PTPRT: variants seen among roughly 807,000 people sequenced by gnomAD.
PTPRT encodes receptor-type tyrosine-protein phosphatase T.
A neutral mutation model predicts 176.8 loss-of-function variants in PTPRT; 56 were observed. That is an observed-to-expected ratio of 0.32 (90% CI 0.26 to 0.40). PTPRT has a LOEUF of 0.40. Ranked by LOEUF, PTPRT falls within the 10% of genes least tolerant of loss-of-function variation. The pLI is 1.00. For synonymous variants in PTPRT, 783 were observed against 739.0 expected (o/e 1.06, Z -0.96); for missense variants, 1,540 against 1,908.2 (o/e 0.81, Z 3.60).
At chr20:42,286,545 A>T (rs778500372) in intron 12 of PTPRT, among the ~76,000 whole-genome samples, 38 of 152,084 alleles carry the variant, frequency 2.5e-4, no homozygotes, top group Non-Finnish European at 5.2e-4. Context: ...GAAGAACGAA[A>T]CTAGACCGCC....
At chr20:43,161,117 G>T (rs118100773) in intron 1 of PTPRT, among the ~76,000 whole-genome samples, 2,669 of 152,266 alleles carry the variant, frequency 0.018, 40 homozygotes, top group Non-Finnish European at 0.028. Flanking sequence ...CGGCCAGAGG[G>T]GGCCAGCTGT....
chr20:42,598,256 T>A (rs1348679537), intron 7 of PTPRT, among the ~76,000 whole-genome samples: 1 of 152,180 alleles, frequency 6.6e-6, no homozygotes, highest in Admixed American at 6.5e-5. Flanking sequence ...AAAATGAACC[T>A]AAAATTGTAA....
In PTPRT at chr20:42,274,700, A is replaced by G. The variant is rs535230577; in HGVS notation, c.2176+7789T>C. On this transcript the variant is annotated intron_variant, in intron 13 of 30. Transcript: ENST00000373187. ...GAGTGCAGAGAGATGCTGCTGGGCT[A>G]CAGATGGCCCTGGAGCAGACAACCC... is the stretch of plus-strand genomic sequence containing the variant. 2.4e-4 allele frequency among the ~76,000 whole-genome samples: 37 copies of G among 152,182 alleles called. No homozygotes were observed. In the South Asian group the frequency reaches 7.1e-3, roughly 29 times the overall value.
chr20:42,810,882 T>C (rs2077688486), intron 2 of PTPRT, among the ~76,000 whole-genome samples: 1 of 152,236 alleles, frequency 6.6e-6, no homozygotes. Context: ...TGTCCTTCTA[T>C]TTAGGTTTAA....
rs112258440 is a variant in PTPRT at position 42,248,425 on chromosome 20, A to G, written c.2312+262T>C. Reference sequence around the variant, plus strand: ...CTCAATTCATGATACGTGGAATCCCATGGCACATCGCGGTGGCCCAGTCAT... The same window carrying G: ...CTCAATTCATGATACGTGGAATCCCGTGGCACATCGCGGTGGCCCAGTCAT... On this transcript the variant is annotated intron_variant, in intron 14 of 30. Transcript: ENST00000373187. Among the ~76,000 whole-genome samples the G allele has an allele frequency of 2.5e-4, 38 of 152,328 alleles. 2 individuals carry two copies. The highest frequency in any genetic ancestry group is 8.9e-4 in the African/African-American group (37 of 41,570).
intron 1 of PTPRT, among the ~76,000 whole-genome samples, chr20:43,142,212 G>A (rs367633989): frequency 2.6e-5 from 4 of 152,238 alleles, no homozygotes; most frequent in Non-Finnish European, 2.9e-5. Context: ...CATGCCCAAC[G>A]TTCTAAACGG....
At chr20:42,860,419 C>T (rs1049165864) in intron 2 of PTPRT, among the ~76,000 whole-genome samples, 8 of 152,166 alleles carry the variant, frequency 5.3e-5, no homozygotes, top group Non-Finnish European at 8.8e-5. Context: ...TCCAGATAAA[C>T]CTTAAAATCA....
intron 7 of PTPRT, among the ~76,000 whole-genome samples, chr20:42,655,389 G>C (rs2075107207): frequency 6.6e-6 from 1 of 152,186 alleles, no homozygotes. Context: ...TACTTGGGAG[G>C]CTGAGGCAGG....
chr20:42,269,391 A>G (rs1320603124), intron 13 of PTPRT, among the ~76,000 whole-genome samples: 1 of 152,212 alleles, frequency 6.6e-6, no homozygotes, highest in Non-Finnish European at 1.5e-5. Flanking sequence ...TTCAGGGATT[A>G]GTAGACCGGA....
At chr20:42,815,822 T>C (rs1300556413) in intron 2 of PTPRT, among the ~76,000 whole-genome samples, 1 of 152,188 alleles carries the variant, frequency 6.6e-6, no homozygotes, top group Non-Finnish European at 1.5e-5. Flanking sequence ...TTAAGAGTGA[T>C]CTTTAGTCAA....
chr20:43,171,396 A>G (rs1378872715), intron 1 of PTPRT, among the ~76,000 whole-genome samples: 1 of 152,222 alleles, frequency 6.6e-6, no homozygotes, highest in Non-Finnish European at 1.5e-5. Flanking sequence ...CAAAATACGG[A>G]TGATTATGGA....
rs201208554 is a variant in PTPRT, at chr20:43,055,324, T to C, written c.88+134322A>G. Among the ~76,000 whole-genome samples, 21 of 152,320 alleles carry C rather than the reference T, an allele frequency of 1.4e-4. No individual in the cohort carries two copies. The East Asian group carries it at 3.5e-3, about 25-fold the overall frequency. The stretch of plus-strand genomic sequence containing the variant: ...AGAATGAAGCCTGATTGGAAGCACA[T>C]AAGTTTAGCTTGGCCTCCTTCAGTT... On this transcript the variant is annotated intron_variant, in intron 1 of 30. Transcript: ENST00000373187.
chr20:42,986,820 G>A (rs78806260), intron 1 of PTPRT, among the ~76,000 whole-genome samples: 9,046 of 152,214 alleles, frequency 0.059, 371 homozygotes, highest in Middle Eastern at 0.092. Context: ...TGAAGACACC[G>A]AACCACACCC....
chr20:42,929,144 C>T (rs569704304), intron 1 of PTPRT, among the ~76,000 whole-genome samples: 13 of 152,298 alleles, frequency 8.5e-5, no homozygotes, highest in African/African-American at 2.9e-4. Context: ...CCTTAGCATG[C>T]GAGAGTAATT....
chr20:42,587,209 A>G (rs1282721331), intron 7 of PTPRT, among the ~76,000 whole-genome samples: 1 of 152,186 alleles, frequency 6.6e-6, no homozygotes, highest in African/African-American at 2.4e-5. Flanking sequence ...GACAAACTCT[A>G]GCCCATACTG....
At chr20:42,371,294 A>T (rs2058583906) in intron 9 of PTPRT, among the ~76,000 whole-genome samples, 1 of 152,208 alleles carries the variant, frequency 6.6e-6, no homozygotes, top group African/African-American at 2.4e-5. Flanking sequence ...TTTGTGACTC[A>T]GAGTCAAAGC....
the PTPRT span, among the ~76,000 whole-genome samples, chr20:42,061,581 T>C: frequency 1.3e-5 from 2 of 152,242 alleles, no homozygotes; most frequent in East Asian, 1.9e-4. Flanking sequence ...TATTCTTTTA[T>C]GTTTTTCATT....
chr20:42,709,137 G>A (rs555274239), intron 6 of PTPRT, among the ~76,000 whole-genome samples: 3 of 152,316 alleles, frequency 2.0e-5, no homozygotes, highest in South Asian at 4.2e-4. Context: ...AAGGTCCTTC[G>A]GGACAGAAAG....
At chr20:42,056,931 C>T in the PTPRT span, among the ~76,000 whole-genome samples, 5 of 152,176 alleles carry the variant, frequency 3.3e-5, no homozygotes, top group Non-Finnish European at 7.3e-5. Context: ...TGACTTCCTT[C>T]GGTTACTGAG....
Sources: allele counts gnomAD v4.1 joint callset (sites outside exome capture counted in the v4.1 genomes callset), GRCh38; gene constraint gnomAD v4.1.1; transcripts MANE v1.5; gene names NCBI Gene and HGNC (gene_info 2026-07-23, HGNC 2026-07-21).